Variants in XKR9 observed in about 807,000 individuals in gnomAD.
XKR9 encodes XK-related protein 9.
In XKR9, 32 loss-of-function variants were observed where a neutral mutation model predicts 32.0. That is an observed-to-expected ratio of 1.00 (90% CI 0.76 to 1.34). XKR9 has a LOEUF of 1.34. XKR9 is among the 40% of genes most tolerant of loss of function. The probability of loss-of-function intolerance (pLI) is 0.00; values close to 1 mark genes in which losing one functional copy is unlikely to be tolerated. For missense variants in XKR9, 546 were observed against 429.7 expected, an observed-to-expected ratio of 1.27 and a Z score of -2.39; for synonymous variants, 168 against 143.4, an observed-to-expected ratio of 1.17 and a Z score of -1.22.
the XKR9 span, among the ~76,000 whole-genome samples, chr8:70,927,509 C>T: frequency 7.9e-5 from 12 of 152,084 alleles, no homozygotes; most frequent in Non-Finnish European, 1.6e-4. Flanking sequence ...CAGCAGATTC[C>T]GTGTCTGGGA....
the XKR9 span, among the ~76,000 whole-genome samples, chr8:70,863,068 G>A: frequency 1.3e-5 from 2 of 152,158 alleles, no homozygotes; most frequent in Non-Finnish European, 2.9e-5. Flanking sequence ...GGAGTTTGGT[G>A]AAAAGATGAT....
At chr8:70,816,733 C>G in the XKR9 span, among the ~76,000 whole-genome samples, 1 of 56,130 alleles carries the variant, frequency 1.8e-5, no homozygotes, top group South Asian at 3.6e-4. Context: ...CAAAGATTCT[C>G]ATCAACCAAA....
the XKR9 span, among the ~76,000 whole-genome samples, chr8:70,951,835 C>T: frequency 1.3e-5 from 2 of 151,450 alleles, no homozygotes; most frequent in Non-Finnish European, 2.9e-5. Context: ...AGCCTGGCCC[C>T]GGCTCCACTA....
the XKR9 span, among the ~76,000 whole-genome samples, chr8:70,932,118 A>G: frequency 6.6e-6 from 1 of 152,124 alleles, no homozygotes; most frequent in African/African-American, 2.4e-5. Context: ...AGAAGTAGAC[A>G]TGGTCTCTTC....
downstream of XKR9, among the ~76,000 whole-genome samples, chr8:70,791,440 T>C (rs1229078512): frequency 1.3e-5 from 2 of 152,132 alleles, no homozygotes; most frequent in African/African-American, 4.8e-5. Flanking sequence ...ACAAATTTAA[T>C]TGTCATTGTA....
intron 4 of XKR9, among the ~76,000 whole-genome samples, chr8:70,726,814 T>A (rs987793269): frequency 1.3e-5 from 2 of 152,220 alleles, no homozygotes; most frequent in African/African-American, 4.8e-5. Context: ...TAGCTAAAGC[T>A]TTAGCAGAAA....
chr8:71,064,852 G>T, the XKR9 span, among the ~76,000 whole-genome samples: 8 of 152,250 alleles, frequency 5.3e-5, no homozygotes, highest in Admixed American at 1.3e-4. Context: ...GGACTTTTTA[G>T]AAGCCTTGTG....
chr8:70,763,784 G>A (rs1007758724), intron 2 of XKR9, among the ~76,000 whole-genome samples: 1 of 152,210 alleles, frequency 6.6e-6, no homozygotes, highest in African/African-American at 2.4e-5. Context: ...CAAATGTACT[G>A]GTGGAGGGGA....
intron 2 of XKR9, among the ~76,000 whole-genome samples, chr8:70,678,565 C>A (rs751132418): frequency 9.2e-5 from 14 of 151,772 alleles, no homozygotes; most frequent in Non-Finnish European, 5.9e-5. Flanking sequence ...CAGAACCTCC[C>A]GATTAATCTC....
At chr8:71,021,607 A>T in the XKR9 span, among the ~76,000 whole-genome samples, 9 of 143,222 alleles carry the variant, frequency 6.3e-5, no homozygotes, top group African/African-American at 7.8e-5. Context: ...GGTTCACGCC[A>T]TTCTCCTGCC....
chr8:70,784,170 G>T (rs951356017), intron 2 of XKR9, among the ~76,000 whole-genome samples: 1 of 152,060 alleles, frequency 6.6e-6, no homozygotes, highest in African/African-American at 2.4e-5. Context: ...GCTCAAGATT[G>T]CTTTGCCTAG....
At chr8:70,824,120 T>C in the XKR9 span, among the ~76,000 whole-genome samples, 1 of 152,124 alleles carries the variant, frequency 6.6e-6, no homozygotes, top group African/African-American at 2.4e-5. Flanking sequence ...CTATATACTA[T>C]GATTCTGAGA....
chr8:70,806,231 A>G, the XKR9 span, among the ~76,000 whole-genome samples: 1 of 152,138 alleles, frequency 6.6e-6, no homozygotes, highest in Non-Finnish European at 1.5e-5. Context: ...ATCGACAACA[A>G]CAAAGAAGTC....
the XKR9 span, among the ~76,000 whole-genome samples, chr8:70,796,163 G>T: frequency 6.6e-6 from 1 of 151,904 alleles, no homozygotes; most frequent in Non-Finnish European, 1.5e-5. Flanking sequence ...TTACCACACA[G>T]GTAATAAGCA....
chr8:70,972,915 C>A, the XKR9 span, among the ~76,000 whole-genome samples: 1 of 152,046 alleles, frequency 6.6e-6, no homozygotes, highest in South Asian at 2.1e-4. Context: ...GGATAATGGT[C>A]TGTAGTTTTC....
chr8:71,034,641 G>A, the XKR9 span, among the ~76,000 whole-genome samples: 78 of 152,160 alleles, frequency 5.1e-4, no homozygotes, highest in African/African-American at 1.9e-3. Context: ...GGCAGTCTTA[G>A]TCTTTGATTC....
At chr8:70,917,941 A>G in the XKR9 span, among the ~76,000 whole-genome samples, 16 of 152,236 alleles carry the variant, frequency 1.1e-4, no homozygotes, top group African/African-American at 3.6e-4. Context: ...CACTTAGAAC[A>G]AAGCCACATA....
chr8:70,750,617 A>G (rs559617998), intron 2 of XKR9, among the ~76,000 whole-genome samples: 2 of 152,274 alleles, frequency 1.3e-5, no homozygotes, highest in African/African-American at 2.4e-5. Flanking sequence ...TCTTCCTTTT[A>G]GAAAACAGCT....
the XKR9 span, among the ~76,000 whole-genome samples, chr8:70,846,131 A>G: frequency 1.4e-4 from 21 of 152,268 alleles, no homozygotes; most frequent in East Asian, 1.9e-3. Flanking sequence ...AGGCCAAGAA[A>G]GAATAAGATG....
Sources: allele counts gnomAD v4.1 joint callset (sites outside exome capture counted in the v4.1 genomes callset), GRCh38; gene constraint gnomAD v4.1.1; transcripts MANE v1.5; gene names NCBI Gene and HGNC (gene_info 2026-07-23, HGNC 2026-07-21).